Variants in NOX4 observed in about 807,000 individuals in gnomAD.
NOX4 encodes kidney oxidase-1.
In NOX4, 69 loss-of-function variants were observed where a neutral mutation model predicts 87.6. The ratio of observed to expected loss-of-function variants is 0.79; its 90% CI spans 0.65 to 0.96. NOX4 has a LOEUF of 0.96. NOX4 is among the 40% of genes least tolerant of loss of function. The pLI, the probability that NOX4 is intolerant of heterozygous loss-of-function variation, is 0.00. For missense variants in NOX4, 680 were observed against 681.5 expected, an observed-to-expected ratio of 1.00 and a Z score of 0.02; for synonymous variants, 275 against 238.2, an observed-to-expected ratio of 1.15 and a Z score of -1.42.
chr11:89,491,407 C>T (rs1946850602), upstream of NOX4: 5 of 636,814 alleles, frequency 7.9e-6, no homozygotes, highest in Admixed American at 3.7e-5. Context: ...CGAGCCAGCC[C>T]GGGCGGGGTC....
chr11:89,543,107 C>T, the NOX4 span, among the ~76,000 whole-genome samples: 1 of 152,156 alleles, frequency 6.6e-6, no homozygotes, highest in African/African-American at 2.4e-5. Flanking sequence ...AAGCAATGTA[C>T]ATTATTTGGG....
At chr11:89,468,797 T>C (rs1358054750) in intron 2 of NOX4, among the ~76,000 whole-genome samples, 2 of 152,150 alleles carry the variant, frequency 1.3e-5, no homozygotes, top group Non-Finnish European at 2.9e-5. Context: ...CAGGCTGGAG[T>C]CCAATGGTGT....
intron 7 of NOX4, among the ~76,000 whole-genome samples, chr11:89,423,975 G>A (rs1330313087): frequency 1.3e-5 from 2 of 152,050 alleles, no homozygotes; most frequent in African/African-American, 4.8e-5. Flanking sequence ...GCTGAAGTGG[G>A]AGGATCACTT....
intron 6 of NOX4, among the ~76,000 whole-genome samples, chr11:89,439,937 A>T (rs568200626): frequency 5.3e-5 from 8 of 152,324 alleles, no homozygotes; most frequent in African/African-American, 1.7e-4. Context: ...GATTAAAAAA[A>T]GTTGCACTAA....
chr11:89,326,971 A>T, intron 17 of NOX4, 95 bp from the exon 18 acceptor site: 1 of 1,160,374 alleles, frequency 8.6e-7, no homozygotes, highest in Non-Finnish European at 1.2e-6. Context: ...AAGTATTAAC[A>T]AAGTTGATTT....
chr11:89,424,007 C>T (rs369137249), intron 7 of NOX4, among the ~76,000 whole-genome samples: 12 of 151,924 alleles, frequency 7.9e-5, no homozygotes, highest in East Asian at 5.8e-4. Flanking sequence ...GTCAAGGTTG[C>T]GGCTGCATTG....
chr11:89,351,147 G>A (rs570515997), intron 13 of NOX4, among the ~76,000 whole-genome samples: 1 of 152,294 alleles, frequency 6.6e-6, no homozygotes, highest in East Asian at 1.9e-4. Flanking sequence ...CAGCCTTATT[G>A]CTGATATGGA....
intron 2 of NOX4, among the ~76,000 whole-genome samples, chr11:89,485,247 TA>T (rs1946546545): frequency 6.6e-6 from 1 of 152,012 alleles, no homozygotes; most frequent in South Asian, 2.1e-4. Context: ...AATAAAAGTT[TA>T]AAAAAAGCTT....
At position 89,438,454 on chromosome 11, in the gene NOX4, T is replaced by G. The variant is rs866765991; in HGVS notation, c.475+2234A>C. Reference sequence around the variant, plus strand: ...AATATATACTATGTATATTATATAATATACAGCATATATATTATATACTAT... The same window carrying G: ...AATATATACTATGTATATTATATAAGATACAGCATATATATTATATACTAT... On this transcript the variant is annotated intron_variant, in intron 6 of 17. Transcript: ENST00000263317. 4.7e-5 allele frequency among the ~76,000 whole-genome samples: 4 copies of G among 84,924 alleles called. No individual in the cohort carries two copies. The South Asian group carries it at 1.6e-3, about 33-fold the overall frequency. 55.7% of individuals were successfully genotyped at this position (84,924 alleles called of 152,430 possible).
At chr11:89,383,077 C>T (rs1181544459) in intron 11 of NOX4, among the ~76,000 whole-genome samples, 1 of 152,016 alleles carries the variant, frequency 6.6e-6, no homozygotes, top group Non-Finnish European at 1.5e-5. Context: ...GGCCCTGAAA[C>T]CCCACAACAG....
chr11:89,402,080 T>C (rs1433388202), intron 9 of NOX4, among the ~76,000 whole-genome samples: 1 of 152,130 alleles, frequency 6.6e-6, no homozygotes, highest in African/African-American at 2.4e-5. Context: ...CAAGCACCAA[T>C]GCTGTTGTAT....
the NOX4 span, among the ~76,000 whole-genome samples, chr11:89,561,015 T>TATATATATATATAC: frequency 4.7e-3 from 378 of 80,360 alleles, 7 homozygotes; most frequent in African/African-American, 9.2e-3. Context: ...TATATATATA[T>TATATATATATATAC]ATATACATAC....
rs185608271 is a variant in NOX4 at position 89,328,890 on chromosome 11, G to A, written c.1617-2014C>T. On this transcript the variant is annotated intron_variant, in intron 17 of 17. Transcript: ENST00000263317. Reference sequence around the variant, plus strand: ...CACAGAGAAAAAGCCACCTGAAGAGGCATCAAGAACATAGCCATCTGCAAG... The same window carrying A: ...CACAGAGAAAAAGCCACCTGAAGAGACATCAAGAACATAGCCATCTGCAAG... Among the ~76,000 whole-genome samples, 196 of 152,108 alleles carry A rather than the reference G, an allele frequency of 1.3e-3. 1 individual carries two copies. The highest frequency in any genetic ancestry group is 7.9e-3 in the South Asian group (38 of 4,818).
Position 89,491,201 on chromosome 11 carries a change from GT to G in NOX4, c.45del (p.Lys15AsnfsTer11). ...WRSWLANEGV[K>X]HLCLFIWLSM... Reference sequence around the variant, plus strand: ...GCCCGCCATCCTACCAGGCAGAGGTGTTTAACCCCTTCGTTGGCGAGCCAGC... The same window carrying G: ...GCCCGCCATCCTACCAGGCAGAGGTGTTAACCCCTTCGTTGGCGAGCCAGC... On this transcript the variant is annotated frameshift_variant, in exon 1 of 18. Transcript: ENST00000263317. LOFTEE classifies it high-confidence loss of function. The G allele has an allele frequency of 6.2e-7, 1 of 1,613,820 alleles. No individual in the cohort carries two copies. The highest frequency in any genetic ancestry group is 8.5e-7 in the Non-Finnish European group (1 of 1,179,888).
chr11:89,540,786 T>TAAAAAAAAAAAAAA, the NOX4 span, among the ~76,000 whole-genome samples: 6 of 43,520 alleles, frequency 1.4e-4, no homozygotes, highest in African/African-American at 2.0e-4. Context: ...AGACTCCGTC[T>TAAAAAAAAAAAAAA]AAAAAAAAAA....
intron 4 of NOX4, among the ~76,000 whole-genome samples, chr11:89,446,488 T>TA (rs34023440): frequency 0.094 from 13,888 of 147,770 alleles, 783 homozygotes; most frequent in South Asian, 0.21. Context: ...GGTGAATAGA[T>TA]AAAAAAAAAA....
In NOX4 at chr11:89,410,503, C is replaced by T. The variant is rs148237939; in HGVS notation, c.630-7961G>A. 4.0e-3 allele frequency among the ~76,000 whole-genome samples: 607 copies of T among 152,310 alleles called. 2 individuals carry two copies. The highest frequency in any genetic ancestry group is 0.013 in the African/African-American group (520 of 41,564). ...GAAATAAACACTCCTATCCCCAGAA[C>T]CACTATAGTTTACCTAGAATATGGC... On this transcript the variant is annotated intron_variant, in intron 8 of 17. Transcript: ENST00000263317.
the NOX4 span, chr11:89,546,628 AT>A: frequency 1.3e-5 from 2 of 152,184 alleles, no homozygotes; most frequent in Non-Finnish European, 1.5e-5. Flanking sequence ...GAAAAAAATA[AT>A]TTCTCACAGT....
chr11:89,568,930 T>G, the NOX4 span, among the ~76,000 whole-genome samples: 19 of 152,198 alleles, frequency 1.2e-4, no homozygotes, highest in Non-Finnish European at 2.8e-4. Context: ...ACTCCCTATT[T>G]AATGAATGGT....
Sources: gnomAD v4.1 joint callset for allele counts (sites outside exome capture counted in the v4.1 genomes callset) on GRCh38, gnomAD v4.1.1 for gene constraint, MANE v1.5 for transcripts, NCBI Gene and HGNC (gene_info 2026-07-23, HGNC 2026-07-21) for gene names.